Variants in CACNA1D observed in about 807,000 individuals in gnomAD.
The protein encoded by CACNA1D is voltage-dependent L-type calcium channel subunit alpha-1D.
A neutral mutation model predicts 257.1 loss-of-function variants in CACNA1D; 55 were observed. That is an observed-to-expected ratio of 0.21 (90% confidence interval 0.17 to 0.27). CACNA1D has a LOEUF of 0.27. Ranked by LOEUF, CACNA1D falls within the 10% of genes least tolerant of loss-of-function variation. CACNA1D has a pLI of 1.00. For synonymous variants in CACNA1D, 980 were observed against 1,014.9 expected, an observed-to-expected ratio of 0.97 and a Z score of 0.65; for missense variants, 1,876 against 2,784.0, an observed-to-expected ratio of 0.67 and a Z score of 7.34.
intron 7 of CACNA1D, among the ~76,000 whole-genome samples, chr3:53,668,156 A>G (rs2094287752): frequency 6.6e-6 from 1 of 152,138 alleles, no homozygotes; most frequent in African/African-American, 2.4e-5. Flanking sequence ...TTTTTTTAAA[A>G]ATCAAAATCT....
intron 35 of CACNA1D, among the ~76,000 whole-genome samples, chr3:53,776,329 G>A (rs934703229): frequency 3.9e-5 from 6 of 152,182 alleles, no homozygotes; most frequent in Non-Finnish European, 4.4e-5. Flanking sequence ...TGCATATGGT[G>A]GTGACCTAAG....
At chr3:53,720,082 G>A (rs559921129) in intron 11 of CACNA1D, among the ~76,000 whole-genome samples, 3 of 152,232 alleles carry the variant, frequency 2.0e-5, no homozygotes, top group African/African-American at 2.4e-5. Flanking sequence ...TTTTCTGCTC[G>A]AAAGCTTTCC....
intron 3 of CACNA1D, among the ~76,000 whole-genome samples, chr3:53,553,689 G>A (rs1396197987): frequency 6.6e-6 from 1 of 151,976 alleles, no homozygotes; most frequent in Non-Finnish European, 1.5e-5. Context: ...CCAACCCTAT[G>A]ACAAGTCACA....
chr3:53,535,821 A>C (rs536188568), intron 3 of CACNA1D, among the ~76,000 whole-genome samples: 1 of 152,306 alleles, frequency 6.6e-6, no homozygotes, highest in South Asian at 2.1e-4. Context: ...AATTTGGTCA[A>C]ATTTTTTAGG....
At chr3:53,753,731 A>G (rs1349433369) in intron 29 of CACNA1D, 49 bp downstream of exon 29, 1 of 1,064,450 alleles carries the variant, frequency 9.4e-7, no homozygotes, top group African/African-American at 1.6e-5. Context: ...GTCACCCTAG[A>G]GAAGTACCCG....
chr3:53,538,081 T>A (rs921524839), intron 3 of CACNA1D, among the ~76,000 whole-genome samples: 6 of 151,944 alleles, frequency 3.9e-5, no homozygotes, highest in African/African-American at 1.5e-4. Context: ...AGTTCTATGA[T>A]TTCTGTGACA....
chr3:53,705,154 A>G (rs1480033179), intron 9 of CACNA1D, among the ~76,000 whole-genome samples: 5 of 152,298 alleles, frequency 3.3e-5, no homozygotes, highest in African/African-American at 1.2e-4. Flanking sequence ...GTTAAGGCCC[A>G]GCACTCTGCT....
chr3:53,727,085 GGTGGTAGTAGTT>G, intron 15 of CACNA1D, 86 bp downstream of exon 15: 2 of 1,493,992 alleles, frequency 1.3e-6, no homozygotes, highest in Non-Finnish European at 1.9e-6. Flanking sequence ...TGGTGATGGT[GGTGGTAGTAGTT>G]GTGGCAGGGA....
At chr3:53,738,507 T>TG (rs2095081419) in intron 20 of CACNA1D, among the ~76,000 whole-genome samples, 2 of 152,122 alleles carry the variant, frequency 1.3e-5, no homozygotes, top group African/African-American at 2.4e-5. Context: ...GGGCAGTGTT[T>TG]GGAAAAAAAC....
intron 46 of CACNA1D, 111 bp from the exon 47 acceptor site, chr3:53,809,867 G>C: frequency 2.1e-6 from 2 of 954,374 alleles, no homozygotes; most frequent in Admixed American, 1.7e-5. Context: ...CCAAGTCCTT[G>C]CCTGGACTGC....
chr3:53,610,831 T>C (rs570108307), intron 3 of CACNA1D, among the ~76,000 whole-genome samples: 2 of 152,366 alleles, frequency 1.3e-5, no homozygotes, highest in South Asian at 2.1e-4. Context: ...TTACCATTTA[T>C]AGGGCTCTTC....
intron 3 of CACNA1D, among the ~76,000 whole-genome samples, chr3:53,604,272 A>G (rs1208882226): frequency 6.6e-6 from 1 of 152,218 alleles, no homozygotes; most frequent in East Asian, 1.9e-4. Flanking sequence ...TGCCTGCTGC[A>G]TACTGGATGG....
At chr3:53,678,240 G>A (rs1366212601) in intron 8 of CACNA1D, among the ~76,000 whole-genome samples, 3 of 152,206 alleles carry the variant, frequency 2.0e-5, no homozygotes, top group East Asian at 1.9e-4. Context: ...TTTATAATTC[G>A]CTTATGAATT....
chr3:53,740,545 G>C (rs191664394), intron 21 of CACNA1D: 1 of 522,454 alleles, frequency 1.9e-6, no homozygotes, highest in East Asian at 3.3e-5. Context: ...AAGAAGCGTG[G>C]AGTGCTTTTG....
At chr3:53,604,987 A>G (rs1319976523) in intron 3 of CACNA1D, among the ~76,000 whole-genome samples, 1 of 152,188 alleles carries the variant, frequency 6.6e-6, no homozygotes, top group African/African-American at 2.4e-5. Flanking sequence ...CAGAGCTCAC[A>G]TGTAACTCCA....
chr3:53,645,785 G>C (rs751367177), intron 3 of CACNA1D, among the ~76,000 whole-genome samples: 81 of 152,196 alleles, frequency 5.3e-4, no homozygotes, highest in Non-Finnish European at 9.6e-4. Flanking sequence ...GTTTTGCTGA[G>C]AAAGTGTCAT....
intron 3 of CACNA1D, among the ~76,000 whole-genome samples, chr3:53,555,471 T>TTG (rs2092626124): frequency 6.7e-6 from 1 of 148,376 alleles, no homozygotes; most frequent in Non-Finnish European, 1.5e-5. Flanking sequence ...TTTTTTTTTT[T>TTG]TTTTTTTTTT....
intron 3 of CACNA1D, among the ~76,000 whole-genome samples, chr3:53,507,005 T>G (rs1194101412): frequency 7.1e-6 from 1 of 141,256 alleles, no homozygotes; most frequent in African/African-American, 2.6e-5. Context: ...CCCAGGAGTT[T>G]GAGACTGTAG....
chr3:53,645,335 G>A (rs1028412098), intron 3 of CACNA1D, among the ~76,000 whole-genome samples: 1 of 152,098 alleles, frequency 6.6e-6, no homozygotes, highest in Non-Finnish European at 1.5e-5. Context: ...CATCCCATAT[G>A]TTTATTTTGG....
Sources: gnomAD v4.1 joint callset for allele counts (sites outside exome capture counted in the v4.1 genomes callset) on GRCh38, gnomAD v4.1.1 for gene constraint, MANE v1.5 for transcripts, NCBI Gene and HGNC (gene_info 2026-07-23, HGNC 2026-07-21) for gene names.